GABRB1: variants seen among roughly 807,000 people sequenced by gnomAD.
GABRB1 encodes the protein gamma-aminobutyric acid type A receptor subunit beta1.
A neutral mutation model predicts 51.6 loss-of-function variants in GABRB1; 17 were observed. That is an observed-to-expected ratio of 0.33 (90% CI 0.23 to 0.49). The LOEUF is 0.49. Among genes scored for constraint, GABRB1 ranks in the 20% least tolerant of loss-of-function variants. The probability of loss-of-function intolerance (pLI) is 0.99; values close to 1 mark genes in which losing one functional copy is unlikely to be tolerated. For missense variants in GABRB1, 410 were observed against 600.6 expected, an observed-to-expected ratio of 0.68 and a Z score of 3.32; for synonymous variants, 247 against 218.9, an observed-to-expected ratio of 1.13 and a Z score of -1.14.
At chr4:47,253,455 A>G (rs1330137151) in intron 4 of GABRB1, among the ~76,000 whole-genome samples, 3 of 152,222 alleles carry the variant, frequency 2.0e-5, no homozygotes, top group Non-Finnish European at 4.4e-5. Context: ...CAGAGTAACT[A>G]TGGTAATTAA....
At chr4:47,326,245 C>T (rs1725259448) in intron 5 of GABRB1, among the ~76,000 whole-genome samples, 1 of 152,146 alleles carries the variant, frequency 6.6e-6, no homozygotes. Flanking sequence ...GCAGATGATG[C>T]TCCCTTTGAT....
intron 4 of GABRB1, among the ~76,000 whole-genome samples, chr4:47,260,652 G>T (rs1344186074): frequency 6.6e-6 from 1 of 151,962 alleles, no homozygotes; most frequent in Non-Finnish European, 1.5e-5. Context: ...TTGAATATTG[G>T]CCCCCACTCT....
chr4:47,077,463 A>G (rs1285154142), intron 3 of GABRB1, among the ~76,000 whole-genome samples: 1 of 152,116 alleles, frequency 6.6e-6, no homozygotes, highest in East Asian at 1.9e-4. Flanking sequence ...TTTTTTTCTT[A>G]TTTCATGTAA....
Position 47,393,390 on chromosome 4 carries a change from C to T in GABRB1, c.545-9928C>T, listed in dbSNP as rs969170116. Among the ~76,000 whole-genome samples, 6 of 152,130 alleles carry T rather than the reference C, an allele frequency of 3.9e-5. No homozygotes were observed. In the South Asian group the frequency reaches 8.3e-4, roughly 21 times the overall value. ...ACATGGTTCTGTGCTTTTTTCGAGG[C>T]GTGTGTATAGTGGAGTTTATAAAAG... On this transcript the variant is annotated intron_variant, in intron 5 of 8. Coordinates refer to ENST00000295454, the MANE Select transcript of GABRB1 (RefSeq NM_000812.4).
chr4:47,135,619 A>G (rs1410976189), intron 3 of GABRB1, among the ~76,000 whole-genome samples: 4 of 151,996 alleles, frequency 2.6e-5, no homozygotes, highest in African/African-American at 7.2e-5. Context: ...ATCACTCCCT[A>G]TTCTCTAGTG....
At chr4:47,071,977 C>T (rs1258678980) in intron 3 of GABRB1, among the ~76,000 whole-genome samples, 3 of 151,040 alleles carry the variant, frequency 2.0e-5, no homozygotes, top group Non-Finnish European at 4.4e-5. Flanking sequence ...TTGTAAATTT[C>T]CTTAAACAAC....
intron 1 of GABRB1, among the ~76,000 whole-genome samples, chr4:47,000,090 C>G (rs550513095): frequency 6.6e-6 from 1 of 152,272 alleles, no homozygotes; most frequent in East Asian, 1.9e-4. Flanking sequence ...ATCAAAAACT[C>G]AGTGACATAC....
chr4:47,068,672 T>C (rs1394927808), intron 3 of GABRB1, among the ~76,000 whole-genome samples: 4 of 152,198 alleles, frequency 2.6e-5, no homozygotes, highest in African/African-American at 9.7e-5. Flanking sequence ...ATGGGCATGA[T>C]TCATGGCACC....
intron 4 of GABRB1, among the ~76,000 whole-genome samples, chr4:47,314,012 G>A (rs1192521058): frequency 6.6e-6 from 1 of 152,036 alleles, no homozygotes; most frequent in Non-Finnish European, 1.5e-5. Context: ...AAGGAAATCA[G>A]ATGACTTTTT....
intron 3 of GABRB1, among the ~76,000 whole-genome samples, chr4:47,082,235 A>C (rs900823917): frequency 2.0e-5 from 3 of 152,054 alleles, no homozygotes; most frequent in Non-Finnish European, 4.4e-5. Context: ...TTATTTTTAA[A>C]AGAAACTTTA....
intron 3 of GABRB1, among the ~76,000 whole-genome samples, chr4:47,084,385 C>T (rs1001114556): frequency 5.3e-5 from 8 of 152,146 alleles, no homozygotes; most frequent in Non-Finnish European, 1.2e-4. Context: ...CTCACAAATA[C>T]CCTCAAACCA....
At chr4:47,040,310 A>T (rs1347438133) in intron 3 of GABRB1, among the ~76,000 whole-genome samples, 2 of 152,204 alleles carry the variant, frequency 1.3e-5, no homozygotes, top group African/African-American at 2.4e-5. Context: ...GCTAAAACTG[A>T]GGACAGTGTT....
intron 5 of GABRB1, among the ~76,000 whole-genome samples, chr4:47,332,035 A>G (rs902466098): frequency 6.6e-6 from 1 of 152,232 alleles, no homozygotes; most frequent in Admixed American, 6.5e-5. Flanking sequence ...CTATCTGGAC[A>G]GGAAGCAAAC....
intron 4 of GABRB1, among the ~76,000 whole-genome samples, chr4:47,291,993 G>C (rs1482856628): frequency 6.6e-6 from 1 of 152,212 alleles, no homozygotes; most frequent in Non-Finnish European, 1.5e-5. Context: ...GTTTTGAATT[G>C]TGAGGACATG....
In GABRB1 at chr4:47,333,194, TTATATATATATATATATATATA is replaced by T. The variant is rs1162712786; in HGVS notation, c.544+13006_544+13027del. Among the ~76,000 whole-genome samples, 2 of 113,222 alleles carry T rather than the reference TTATATATATATATATATATATA, an allele frequency of 1.8e-5. 1 individual carries two copies. The highest frequency in any genetic ancestry group is 3.8e-5 in the Non-Finnish European group (2 of 52,538). The allele number at this position is 113,222 out of a possible 152,430, so 74.3% of individuals were successfully genotyped here. ...CATATATATTTAAAACCCATTTTAT[TTATATATATATATATATATATA>T]TATATATATATATATATATACACAC... On this transcript the variant is annotated intron_variant, in intron 5 of 8. Transcript: ENST00000295454.
At chr4:47,049,631 T>C (rs1726254900) in intron 3 of GABRB1, among the ~76,000 whole-genome samples, 2 of 152,210 alleles carry the variant, frequency 1.3e-5, no homozygotes, top group Non-Finnish European at 2.9e-5. Context: ...TATTTTTCAC[T>C]TTTCTGCCTC....
intron 4 of GABRB1, among the ~76,000 whole-genome samples, chr4:47,229,945 T>C (rs1721078988): frequency 6.6e-6 from 1 of 152,130 alleles, no homozygotes. Flanking sequence ...AATGTTGTTT[T>C]AAGCCACCAG....
At chr4:47,125,439 T>C (rs1716076541) in intron 3 of GABRB1, among the ~76,000 whole-genome samples, 1 of 151,930 alleles carries the variant, frequency 6.6e-6, no homozygotes, top group Non-Finnish European at 1.5e-5. Flanking sequence ...TTAAAAATAC[T>C]CTAATACAGT....
At chr4:47,007,406 T>A (rs551981320) in intron 1 of GABRB1, among the ~76,000 whole-genome samples, 2 of 152,258 alleles carry the variant, frequency 1.3e-5, no homozygotes, top group South Asian at 2.1e-4. Context: ...GATCTCTAAT[T>A]ATAGTGGGAT....
Sources: gnomAD v4.1 joint callset for allele counts (sites outside exome capture counted in the v4.1 genomes callset) on GRCh38, gnomAD v4.1.1 for gene constraint, MANE v1.5 for transcripts, NCBI Gene and HGNC (gene_info 2026-07-23, HGNC 2026-07-21) for gene names.